Variants in RCOR3 observed in about 807,000 individuals in gnomAD.
RCOR3 encodes the protein REST corepressor 3.
A neutral mutation model predicts 64.1 loss-of-function variants in RCOR3; 13 were observed. The ratio of observed to expected loss-of-function variants is 0.20; its 90% CI spans 0.13 to 0.32. RCOR3 has a LOEUF of 0.32. Among genes scored for constraint, RCOR3 ranks in the 10% least tolerant of loss-of-function variants. RCOR3 has a pLI of 1.00. For synonymous variants in RCOR3, 215 were observed against 239.0 expected (o/e 0.90, Z 0.93); for missense variants, 489 against 701.2 (o/e 0.70, Z 3.42).
At chr1:211,279,069 C>G (rs1041265332) in intron 6 of RCOR3, among the ~76,000 whole-genome samples, 169 bp from the exon 7 acceptor site, 1 of 151,904 alleles carries the variant, frequency 6.6e-6, no homozygotes, top group African/African-American at 2.4e-5. Context: ...CACCTGTAAT[C>G]CCAGCTACTT....
At chr1:211,288,078 C>T (rs1698769114) in intron 7 of RCOR3, among the ~76,000 whole-genome samples, 1 of 151,830 alleles carries the variant, frequency 6.6e-6, no homozygotes, top group South Asian at 2.1e-4. Flanking sequence ...GGCATAATGG[C>T]ACACAACTGT....
chr1:211,278,549 T>G (rs1697335061), intron 6 of RCOR3, among the ~76,000 whole-genome samples: 1 of 152,072 alleles, frequency 6.6e-6, no homozygotes, highest in Non-Finnish European at 1.5e-5. Context: ...ACTGAAACCC[T>G]TATTATTGAG....
chr1:211,285,825 A>G (rs976909435), intron 7 of RCOR3, among the ~76,000 whole-genome samples: 1 of 152,210 alleles, frequency 6.6e-6, no homozygotes, highest in Non-Finnish European at 1.5e-5. Context: ...TGATCACTCA[A>G]TTACTGAGAA....
chr1:211,267,892 C>A (rs901322911), intron 2 of RCOR3: 21 of 374,864 alleles, frequency 5.6e-5, no homozygotes, highest in Non-Finnish European at 1.0e-4. Flanking sequence ...TGCACCCAGC[C>A]TGTAGCTGTT....
rs772737659 is a variant in RCOR3, at chr1:211,271,237, A to G, written c.229A>G (p.Thr77Ala). The G allele has an allele frequency of 1.2e-6, 2 of 1,612,234 alleles. No homozygotes were observed. The highest frequency in any genetic ancestry group is 2.2e-5 in the East Asian group (1 of 44,852). Residue 77 changes from threonine (T) to alanine (A), a missense_variant, in exon 3 of 12, where the codon ACA (threonine) becomes GCA (alanine). This residue lies in a region of RCOR3 where 402 missense variants were observed against 617.0 expected (regional missense o/e 0.65). Transcript: ENST00000419091. The stretch of plus-strand genomic sequence containing the variant: ...TAATTATCTTTTTCCCCCAGGTGCT[A>G]CAAAGTACACAGATAAAGACAATGG... ...ARIPEFDPGATKYTDKDNGGM... is the reference protein window; with the variant it reads ...ARIPEFDPGAAKYTDKDNGGM...
chr1:211,272,101 G>A (rs1218767814), intron 3 of RCOR3, among the ~76,000 whole-genome samples: 2 of 152,074 alleles, frequency 1.3e-5, no homozygotes, highest in Admixed American at 6.5e-5. Flanking sequence ...TGATGCAATA[G>A]AGCTAAAAAT....
rs1367634756 is a variant in RCOR3 at position 211,313,843 on chromosome 1, A to G, written c.*75A>G. The G allele has an allele frequency of 7.7e-7, 1 of 1,294,014 alleles. No homozygotes were observed. The highest frequency in any genetic ancestry group is 2.4e-5 in the East Asian group (1 of 41,832). 80.2% of individuals were successfully genotyped at this position (1,294,014 alleles called of 1,614,324 possible). ...AGTGCTCATCTGACTGATGAAAAAG[A>G]GGAAAGAATAATCATTTCTAGATAC... is the stretch of plus-strand genomic sequence containing the variant. On this transcript the variant is annotated 3_prime_UTR_variant, in exon 12 of 12. Coordinates refer to ENST00000419091, the MANE Select transcript of RCOR3 (RefSeq NM_001136223.3). The surrounding 1 kb of genome is among the most constrained non-coding windows in gnomAD (Gnocchi z 4.7).
At chr1:211,259,891 C>A (rs1296594995) in intron 1 of RCOR3, 165 bp downstream of exon 1, 3 of 1,037,240 alleles carry the variant, frequency 2.9e-6, no homozygotes, top group East Asian at 2.9e-5. Context: ...CGCGACCCCC[C>A]GTCCCTCCGC....
chr1:211,287,747 G>A (rs1184485117), intron 7 of RCOR3, among the ~76,000 whole-genome samples: 1 of 152,122 alleles, frequency 6.6e-6, no homozygotes, highest in Admixed American at 6.5e-5. Context: ...TGGGCATGGT[G>A]GCGGGTGCCT....
chr1:211,299,440 G>C (rs528961131), intron 9 of RCOR3, among the ~76,000 whole-genome samples: 1 of 152,158 alleles, frequency 6.6e-6, no homozygotes, highest in Non-Finnish European at 1.5e-5. Context: ...AAAAAAGAGT[G>C]CTTTTTGAAG....
chr1:211,299,104 A>T (rs574828869), intron 9 of RCOR3, among the ~76,000 whole-genome samples: 2 of 152,352 alleles, frequency 1.3e-5, no homozygotes, highest in East Asian at 3.9e-4. Context: ...AAGGATGTAA[A>T]GAAAATTTTT....
chr1:211,270,867 T>C (rs2102467360), intron 2 of RCOR3, among the ~76,000 whole-genome samples: 1 of 151,996 alleles, frequency 6.6e-6, no homozygotes, highest in Admixed American at 6.5e-5. Flanking sequence ...CTTTTTTTTT[T>C]TTTTTTGAGA....
chr1:211,306,198 T>A (rs1459859765), intron 10 of RCOR3, among the ~76,000 whole-genome samples: 3 of 152,158 alleles, frequency 2.0e-5, no homozygotes, highest in African/African-American at 7.2e-5. Context: ...CCCATGCATT[T>A]ATATAGTGGT....
Position 211,313,670 on chromosome 1 carries a change from C to A in RCOR3, c.1564C>A (p.Pro522Thr). ...PLIRPANSMP[P>T]RLNPRPVLST... ...TATTCGCCCTGCTAATTCCATGCCA[C>A]CCCGTCTAAACCCAAGACCGGTGTT... Residue 522 changes from proline (P) to threonine (T), a missense_variant, in exon 12 of 12, where the codon CCC (proline) becomes ACC (threonine). Pro to Thr is a conservative substitution (Grantham distance 38, BLOSUM62 -1). Around this residue, in one of 2 missense-constraint regions of RCOR3, gnomAD observed 402 missense variants for 617.0 expected, o/e 0.65. Transcript: ENST00000419091. The surrounding 1 kb of genome is among the most constrained non-coding windows in gnomAD (Gnocchi z 4.7). The A allele has an allele frequency of 6.2e-7, 1 of 1,614,228 alleles. No individual in the cohort carries two copies. The highest frequency in any genetic ancestry group is 8.5e-7 in the Non-Finnish European group (1 of 1,180,046).
chr1:211,313,173 A>G lies in RCOR3; in HGVS notation c.1317+212A>G. On this transcript the variant is annotated intron_variant, in intron 11 of 11. Transcript: ENST00000419091. This position sits in a 1 kb window ranked among gnomAD's most constrained non-coding sequence, Gnocchi z 4.7. ...AGAATGGAGAGTGTATTGTTCTTTCATAGTCTTATTTTTATTTTCAGTGTT... is the reference window on the plus strand; with the variant it reads ...AGAATGGAGAGTGTATTGTTCTTTCGTAGTCTTATTTTTATTTTCAGTGTT... The G allele has an allele frequency of 6.9e-7, 1 of 1,441,214 alleles. No homozygotes were observed. The highest frequency in any genetic ancestry group is 9.1e-7 in the Non-Finnish European group (1 of 1,104,612). The allele number at this position is 1,441,214 out of a possible 1,614,324, so 89.3% of individuals were successfully genotyped here. A position where few individuals can be genotyped will look rare whatever the true frequency, so the allele number is the denominator to read the frequency against.
rs1234233134 is a variant in RCOR3, at chr1:211,276,735, T to C, written c.516+317T>C. Among the ~76,000 whole-genome samples the C allele has an allele frequency of 3.3e-5, 5 of 152,202 alleles. No homozygotes were observed. In the East Asian group the frequency reaches 9.6e-4, roughly 29 times the overall value. On this transcript the variant is annotated intron_variant, in intron 5 of 11. Coordinates refer to ENST00000419091, the MANE Select transcript of RCOR3 (RefSeq NM_001136223.3). ...AACTTTATTTTTAAATGTTTCACTC[T>C]TTGACACGAGGATTTTTTCCAATTT...
chr1:211,295,439 T>C (rs947015004), intron 8 of RCOR3, among the ~76,000 whole-genome samples: 4 of 152,172 alleles, frequency 2.6e-5, no homozygotes, highest in African/African-American at 7.2e-5. Context: ...CTAAAAGATA[T>C]TCAAAACCAT....
chr1:211,279,376 A>G, intron 7 of RCOR3, 60 bp downstream of exon 7: 4 of 1,295,278 alleles, frequency 3.1e-6, no homozygotes, highest in Non-Finnish European at 4.4e-6. Context: ...AAAAGAATGA[A>G]CAGTACTTCG....
intron 2 of RCOR3, chr1:211,268,017 A>T: frequency 3.5e-6 from 1 of 283,610 alleles, no homozygotes; most frequent in Non-Finnish European, 7.0e-6. Context: ...CAGGGAAATT[A>T]TGTTTAAATA....
Sources: gnomAD v4.1 joint callset for allele counts (sites outside exome capture counted in the v4.1 genomes callset) on GRCh38, gnomAD v4.1.1 for gene constraint, gnomAD v4.1.1 regional missense constraint, Gnocchi (gnomAD v3.1) non-coding constraint, MANE v1.5 for transcripts, NCBI Gene and HGNC (gene_info 2026-07-23, HGNC 2026-07-21) for gene names.